DENND6B: variants seen among roughly 807,000 people sequenced by gnomAD.
The protein encoded by DENND6B is protein DENND6B.
DENND6B carries 73 observed loss-of-function variants against 85.1 expected under a neutral mutation model. The observed-to-expected ratio is 0.86, with a 90% confidence interval of 0.71 to 1.04. The LOEUF (loss-of-function observed/expected upper bound fraction) is 1.04, where lower values mean the gene tolerates loss of function less well. Ranked by LOEUF, DENND6B falls within the 50% of genes least tolerant of loss-of-function variation. DENND6B has a pLI of 0.00. For missense variants in DENND6B, 715 were observed against 785.8 expected (o/e 0.91, Z 1.08); for synonymous variants, 357 against 329.3 (o/e 1.08, Z -0.91).
chr22:50,322,684 G>T (rs971973586), intron 1 of DENND6B, among the ~76,000 whole-genome samples: 1 of 151,986 alleles, frequency 6.6e-6, no homozygotes, highest in Non-Finnish European at 1.5e-5. Context: ...AGATAGCTGG[G>T]ATTACAGGCG....
rs752840146 is a variant in DENND6B at position 50,313,027 on chromosome 22, G to A, written c.1429C>T (p.Leu477Phe). The A allele has an allele frequency of 4.5e-6, 7 of 1,561,932 alleles. No individual in the cohort carries two copies. The South Asian group carries it at 4.7e-5, about 11-fold the overall frequency. The change falls in exon 17 of 20, where the codon CTC becomes TTC. Residue 477 changes from leucine (L) to phenylalanine (F), a missense_variant. By Grantham distance (22) the Leu-to-Phe change is conservative (BLOSUM62 0). Transcript: ENST00000413817. ...EHAGPQLTCILKGDWLGLYRR... is the reference protein window; with the variant it reads ...EHAGPQLTCIFKGDWLGLYRR... ...TAGAGACCCAGCCAGTCGCCCTTGA[G>A]GATGCAGGTGAGCTGGGGCCCAGCA...
chr22:50,313,883 C>T lies in DENND6B; in HGVS notation c.1139-5G>A, dbSNP rs369351022. ...CCGTGTAAGCGGTGTAGAGGCCTGGCGGGAGGGCACAGCTGGCGCCCCACC... is the reference window on the plus strand; with the variant it reads ...CCGTGTAAGCGGTGTAGAGGCCTGGTGGGAGGGCACAGCTGGCGCCCCACC... On this transcript the variant is annotated splice_polypyrimidine_tract_variant and splice_region_variant and intron_variant, in intron 13 of 19. Transcript: ENST00000413817. 130 of 1,607,106 alleles carry T rather than the reference C, an allele frequency of 8.1e-5. No homozygotes were observed. Among genetic ancestry groups the T allele is most frequent in the Middle Eastern group, 5.1e-4 (3 of 5,938 alleles).
rs554235523 is a variant in DENND6B at position 50,323,177 on chromosome 22, T to G, written c.177+3635A>C. 2.7e-5 allele frequency among the ~76,000 whole-genome samples: 4 copies of G among 150,844 alleles called. 1 individual carries two copies. Among genetic ancestry groups the G allele is most frequent in the African/African-American group, 9.7e-5 (4 of 41,092 alleles). On this transcript the variant is annotated intron_variant, in intron 1 of 19. Coordinates refer to ENST00000413817, the MANE Select transcript of DENND6B (RefSeq NM_001001794.4). ...CCACCACGCCCGGCTTGTTTTTTGT[T>G]TTTTAACAGACAGGGTCAACCTCCA...
intron 1 of DENND6B, among the ~76,000 whole-genome samples, chr22:50,324,799 G>A (rs2042147071): frequency 6.6e-6 from 1 of 152,156 alleles, no homozygotes; most frequent in African/African-American, 2.4e-5. Context: ...TTTGGGAGAG[G>A]GGTTACCTGA....
chr22:50,319,550 C>T, intron 1 of DENND6B: 1 of 979,136 alleles, frequency 1.0e-6, no homozygotes, highest in South Asian at 4.7e-5. Flanking sequence ...CCGGGATGGT[C>T]ACGGGGCTCC....
At chr22:50,323,721 C>CTTTTTTTTTTTTT (rs146060526) in intron 1 of DENND6B, among the ~76,000 whole-genome samples, 6 of 104,580 alleles carry the variant, frequency 5.7e-5, no homozygotes, top group Admixed American at 1.1e-4. Flanking sequence ...CACGCCTAGC[C>CTTTTTTTTTTTTT]TTTTTTTTTT....
At chr22:50,318,377 A>AG (rs1300600845) in intron 3 of DENND6B, among the ~76,000 whole-genome samples, 1 of 152,182 alleles carries the variant, frequency 6.6e-6, no homozygotes, top group African/African-American at 2.4e-5. Context: ...GCCCAGCCCA[A>AG]GGGGTCTGTG....
At chr22:50,314,772 C>A in intron 10 of DENND6B, 27 bp downstream of exon 10, 1 of 1,589,498 alleles carries the variant, frequency 6.3e-7, no homozygotes, top group Non-Finnish European at 8.6e-7. Flanking sequence ...TCCAGCTTCC[C>A]CAGCCGGGAC....
At chr22:50,317,395 C>G (rs2041887187) in intron 4 of DENND6B, 22 bp from the exon 5 acceptor site, 1 of 1,611,990 alleles carries the variant, frequency 6.2e-7, no homozygotes, top group Middle Eastern at 1.7e-4. Flanking sequence ...ATGGTGTTAG[C>G]CAGCCACGCC....
rs781606084 is a variant in DENND6B, at chr22:50,318,834, T to C, written c.259+13A>G. The stretch of plus-strand genomic sequence containing the variant: ...GCTTCATGTCCAGCCCCAGGAAAGG[T>C]GGGGTTGCCTACCTGAGTGCGAGTC... On this transcript the variant is annotated intron_variant, in intron 3 of 19. Coordinates refer to ENST00000413817, the MANE Select transcript of DENND6B (RefSeq NM_001001794.4). The C allele has an allele frequency of 1.9e-6, 3 of 1,612,818 alleles. No individual in the cohort carries two copies. The highest frequency in any genetic ancestry group is 3.3e-5 in the Admixed American group (2 of 59,886).
intron 1 of DENND6B, among the ~76,000 whole-genome samples, chr22:50,322,879 C>T (rs1242489264): frequency 6.6e-6 from 1 of 150,864 alleles, no homozygotes; most frequent in Admixed American, 6.6e-5. Flanking sequence ...GAGACAGAGT[C>T]TTGCCCTGTT....
At chr22:50,321,155 ACATG>A (rs1314147500) in intron 1 of DENND6B, among the ~76,000 whole-genome samples, 1 of 152,082 alleles carries the variant, frequency 6.6e-6, no homozygotes. Context: ...TGGAGAAGGC[ACATG>A]CAGGGAGCGG....
At chr22:50,313,423 C>T in intron 16 of DENND6B, 23 bp downstream of exon 16, 4 of 1,542,732 alleles carry the variant, frequency 2.6e-6, no homozygotes, top group South Asian at 1.2e-5. Flanking sequence ...ATGGACCCCA[C>T]AAAACCCCCA....
At chr22:50,320,854 C>T (rs573020391) in intron 1 of DENND6B, among the ~76,000 whole-genome samples, 2 of 152,312 alleles carry the variant, frequency 1.3e-5, no homozygotes, top group East Asian at 1.9e-4. Context: ...CCCAGGGGGC[C>T]CTCAGCATGT....
chr22:50,324,569 C>T (rs778586419), intron 1 of DENND6B, among the ~76,000 whole-genome samples: 60 of 152,166 alleles, frequency 3.9e-4, no homozygotes, highest in Non-Finnish European at 6.6e-4. Flanking sequence ...GGATTACAGG[C>T]GTGCGCCACC....
intron 7 of DENND6B, 32 bp downstream of exon 7, chr22:50,316,142 C>A: frequency 6.2e-7 from 1 of 1,612,636 alleles, no homozygotes; most frequent in South Asian, 1.1e-5. Context: ...CACACACCTG[C>A]AGAGCCTACT....
At chr22:50,325,348 T>C (rs976745852) in intron 1 of DENND6B, among the ~76,000 whole-genome samples, 1 of 150,528 alleles carries the variant, frequency 6.6e-6, no homozygotes, top group Non-Finnish European at 1.5e-5. Flanking sequence ...TTTTTTTTTT[T>C]TTTTTTTGAG....
At position 50,311,875 on chromosome 22, in the gene DENND6B, G is replaced by T; in HGVS notation, c.*264C>A. ...GGGCTCCCAGCCTGTCCCCGCCCCC[G>T]TCCCAGCCTAAGGTCTGCAGAGGCC... On this transcript the variant is annotated 3_prime_UTR_variant, in exon 20 of 20. Transcript: ENST00000413817. 1 of 526,394 alleles carries T rather than the reference G, an allele frequency of 1.9e-6. No individual in the cohort carries two copies. Among genetic ancestry groups the T allele is most frequent in the Non-Finnish European group, 3.3e-6 (1 of 303,462 alleles). 32.6% of individuals were successfully genotyped at this position (526,394 alleles called of 1,614,324 possible). A position where few individuals can be genotyped will look rare whatever the true frequency, so the allele number is the denominator to read the frequency against.
chr22:50,317,394 G>C (rs1601821250), intron 4 of DENND6B, 21 bp from the exon 5 acceptor site: 2 of 1,611,910 alleles, frequency 1.2e-6, no homozygotes, highest in South Asian at 2.2e-5. Context: ...CATGGTGTTA[G>C]CCAGCCACGC....
Sources: allele counts gnomAD v4.1 joint callset (sites outside exome capture counted in the v4.1 genomes callset), GRCh38; gene constraint gnomAD v4.1.1; transcripts MANE v1.5; gene names NCBI Gene and HGNC (gene_info 2026-07-23, HGNC 2026-07-21).